The following RRP1 variants were observed in gnomAD, a reference collection of about 807,000 sequenced individuals.
RRP1 encodes ribosomal RNA processing protein 1 homolog A.
Under a neutral mutation model 54.6 loss-of-function variants are expected in RRP1, and 37 were observed. The observed-to-expected ratio is 0.68, with a 90% confidence interval of 0.52 to 0.89. RRP1 has a LOEUF of 0.89. RRP1 is among the 40% of genes least tolerant of loss of function. The probability of loss-of-function intolerance (pLI) is 0.00; values close to 1 mark genes in which losing one functional copy is unlikely to be tolerated. For synonymous variants in RRP1, 262 were observed against 244.3 expected (o/e 1.07, Z -0.67); for missense variants, 639 against 612.5 (o/e 1.04, Z -0.46).
chr21:43,792,094 C>A (rs1271467509), intron 2 of RRP1, among the ~76,000 whole-genome samples: 1 of 152,210 alleles, frequency 6.6e-6, no homozygotes, highest in East Asian at 1.9e-4. Context: ...AACATTGTTT[C>A]TCAAATTGTG....
intron 11 of RRP1, 65 bp from the exon 12 acceptor site, chr21:43,802,209 C>G: frequency 8.6e-7 from 1 of 1,160,814 alleles, no homozygotes; most frequent in African/African-American, 1.5e-5. Flanking sequence ...CTGCTGGAAG[C>G]AGCGAGCCTC....
chr21:43,793,277 C>G, intron 3 of RRP1, 42 bp from the exon 4 acceptor site: 2 of 1,584,048 alleles, frequency 1.3e-6, no homozygotes, highest in South Asian at 1.1e-5. Flanking sequence ...AGAGTGGCTT[C>G]GTGCTCCTCA....
intron 8 of RRP1, among the ~76,000 whole-genome samples, chr21:43,798,930 C>T (rs577810206): frequency 5.3e-5 from 7 of 130,856 alleles, no homozygotes; most frequent in African/African-American, 2.0e-4. Flanking sequence ...CAGCACTTGG[C>T]CCGGCCACCC....
rs891266277 is a variant in RRP1, at chr21:43,797,724, G to A, written c.617+29G>A. ...AGTGGTGGGTGGCCTGATCGGGCCC[G>A]ACTCCTTCACTGAGTTCTTCCATGG... is the stretch of plus-strand genomic sequence containing the variant. On this transcript the variant is annotated intron_variant, in intron 7 of 12. Coordinates refer to ENST00000497547, the MANE Select transcript of RRP1 (RefSeq NM_003683.6). 8.7e-6 allele frequency: 14 copies of A among 1,610,078 alleles called. No homozygotes were observed. The Admixed American group carries it at 1.2e-4, about 13-fold the overall frequency.
rs774784078 is a variant in RRP1, at chr21:43,803,540, G to A, written c.1152G>A (p.Pro384=). ...AAGGTGAGAAGGAGCCCCCGAGCCC[G>A]GGCATGGAGAGGAAGAGGAGCAGGA... ...RGKGEKEPPS[P]GMERKRSRRR... is the part of the protein sequence containing the mutation. Residue 384 remains proline (P), a synonymous_variant, in exon 13 of 13, where the codon CCG becomes CCA. Coordinates refer to ENST00000497547, the MANE Select transcript of RRP1 (RefSeq NM_003683.6). 7.7e-6 allele frequency: 12 copies of A among 1,557,304 alleles called. No homozygotes were observed. The highest frequency in any genetic ancestry group is 4.1e-5 in the African/African-American group (3 of 73,746).
intron 2 of RRP1, among the ~76,000 whole-genome samples, chr21:43,792,100 T>C (rs569305017): frequency 1.3e-5 from 2 of 152,322 alleles, no homozygotes; most frequent in South Asian, 4.1e-4. Context: ...GTTTCTCAAA[T>C]TGTGAATTTT....
intron 8 of RRP1, among the ~76,000 whole-genome samples, chr21:43,798,334 T>C (rs537855879): frequency 5.3e-5 from 8 of 152,120 alleles, no homozygotes; most frequent in Non-Finnish European, 8.8e-5. Context: ...ACCCCTGGGC[T>C]CCTCGGTCTA....
At position 43,789,605 on chromosome 21, in the gene RRP1, A is replaced by C; in HGVS notation, c.-25A>C. 6.3e-7 allele frequency: 1 copy of C among 1,583,520 alleles called. No individual in the cohort carries two copies. The highest frequency in any genetic ancestry group is 2.4e-5 in the East Asian group (1 of 42,352). On this transcript the variant is annotated 5_prime_UTR_variant, in exon 1 of 13. Transcript: ENST00000497547. ...GTGCTGGGTACCAGGCGACTCCGGG[A>C]CAGGGGGTCTCGGCCGTCGGCGTCA...
chr21:43,798,134 G>T (rs1317901821), intron 8 of RRP1, 34 bp downstream of exon 8: 1 of 1,555,004 alleles, frequency 6.4e-7, no homozygotes, highest in East Asian at 2.3e-5. Context: ...TTCTCCTCGG[G>T]GCCTGTCCTG....
chr21:43,793,426 C>T (rs370462269), intron 4 of RRP1, 22 bp downstream of exon 4: 172 of 1,606,038 alleles, frequency 1.1e-4, no homozygotes, highest in African/African-American at 4.5e-4. Flanking sequence ...ACCAGGGTGC[C>T]GGCGGGCGGG....
rs1304952689 is a variant in RRP1, at chr21:43,802,402, T to G, written c.1123+15T>G. The G allele has an allele frequency of 6.2e-7, 1 of 1,602,206 alleles. No homozygotes were observed. Among genetic ancestry groups the G allele is most frequent in the Non-Finnish European group, 8.5e-7 (1 of 1,170,636 alleles). On this transcript the variant is annotated intron_variant, in intron 12 of 12. Transcript: ENST00000497547. ...GCAGGAGAGAGGTAGGACTAGGGGG[T>G]GTGTTAGTCATGGAGCCGGCGTCCT...
At chr21:43,798,714 C>T (rs1402732774) in intron 8 of RRP1, among the ~76,000 whole-genome samples, 2 of 152,060 alleles carry the variant, frequency 1.3e-5, no homozygotes, top group African/African-American at 4.8e-5. Flanking sequence ...TGTGGGCAGC[C>T]GTGGGGTCCA....
At chr21:43,793,944 C>G (rs1170892745) in intron 4 of RRP1, among the ~76,000 whole-genome samples, 1 of 152,184 alleles carries the variant, frequency 6.6e-6, no homozygotes, top group Admixed American at 6.5e-5. Context: ...TTCTCTCCTT[C>G]CCTCCTTCCC....
chr21:43,791,242 C>A, intron 1 of RRP1, 108 bp from the exon 2 acceptor site: 1 of 1,162,502 alleles, frequency 8.6e-7, no homozygotes, highest in South Asian at 1.2e-5. Flanking sequence ...TTGCCTTTAC[C>A]GTAAGTGGGA....
chr21:43,799,457 C>A, intron 8 of RRP1, 113 bp from the exon 9 acceptor site: 1 of 1,124,060 alleles, frequency 8.9e-7, no homozygotes, highest in Non-Finnish European at 1.3e-6. Flanking sequence ...GGGTGTTTCC[C>A]GCCTGTGCCC....
chr21:43,800,958 A>T, intron 11 of RRP1, 77 bp downstream of exon 11: 1 of 1,510,862 alleles, frequency 6.6e-7, no homozygotes, highest in Non-Finnish European at 9.2e-7. Flanking sequence ...GTTTGGTTCT[A>T]GGGGTCTCAT....
In RRP1 at chr21:43,798,105, G is replaced by C. The variant is rs1446373091; in HGVS notation, c.811+5G>C. 1 of 1,603,562 alleles carries C rather than the reference G, an allele frequency of 6.2e-7. No individual in the cohort carries two copies. Among genetic ancestry groups the C allele is most frequent in the East Asian group, 2.2e-5 (1 of 44,530 alleles). ...GGTCTGAGAAGCCGCCCGCAGGTGG[G>C]GGTCACACTGCGCCTGGCTTCTCCT... On this transcript the variant is annotated splice_donor_5th_base_variant and intron_variant, in intron 8 of 12. Transcript: ENST00000497547.
At chr21:43,799,734 G>A (rs969068905) in intron 9 of RRP1, 85 bp downstream of exon 9, 1 of 1,288,722 alleles carries the variant, frequency 7.8e-7, no homozygotes, top group African/African-American at 1.5e-5. Context: ...GGGGCGTTAG[G>A]AGGGAGGATG....
rs775964722 is a variant in RRP1 at position 43,803,733 on chromosome 21, A to G, written c.1345A>G (p.Asn449Asp). 5.7e-6 allele frequency: 9 copies of G among 1,573,848 alleles called. No individual in the cohort carries two copies. Among genetic ancestry groups the G allele is most frequent in the Non-Finnish European group, 7.8e-6 (9 of 1,158,978 alleles). Residue 449 changes from asparagine to aspartate, a missense_variant, in exon 13 of 13, where the codon AAT (asparagine) becomes GAT (aspartate). By Grantham distance (23) the Asn-to-Asp change is conservative. Transcript: ENST00000497547. Reference protein sequence around the residue: ...PLTSARAKAANVQEPEKKKKR... With the variant: ...PLTSARAKAADVQEPEKKKKR... Reference sequence around the variant, plus strand: ...GACCAGTGCCCGAGCAAAGGCGGCCAATGTCCAGGAGCCGGAGAAGAAGAA... The same window carrying G: ...GACCAGTGCCCGAGCAAAGGCGGCCGATGTCCAGGAGCCGGAGAAGAAGAA...
Sources: allele counts gnomAD v4.1 joint callset (sites outside exome capture counted in the v4.1 genomes callset), GRCh38; gene constraint gnomAD v4.1.1; transcripts MANE v1.5; gene names NCBI Gene and HGNC (gene_info 2026-07-23, HGNC 2026-07-21).